The following HS2ST1 variants were observed in gnomAD, a reference collection of about 807,000 sequenced individuals.
HS2ST1 encodes heparan sulfate 2-O-sulfotransferase 1.
In HS2ST1, 18 loss-of-function variants were observed where a neutral mutation model predicts 42.9. The ratio of observed to expected loss-of-function variants is 0.42; its 90% CI spans 0.29 to 0.62. The LOEUF (loss-of-function observed/expected upper bound fraction) is 0.62, where lower values mean the gene tolerates loss of function less well. Among genes scored for constraint, HS2ST1 ranks in the 20% least tolerant of loss-of-function variants. The pLI, the probability that HS2ST1 is intolerant of heterozygous loss-of-function variation, is 0.21. For synonymous variants in HS2ST1, 146 were observed against 152.9 expected, an observed-to-expected ratio of 0.95 and a Z score of 0.33; for missense variants, 334 against 433.8, an observed-to-expected ratio of 0.77 and a Z score of 2.04.
At chr1:86,923,219 A>G (rs762494630) in intron 1 of HS2ST1, among the ~76,000 whole-genome samples, 8 of 152,062 alleles carry the variant, frequency 5.3e-5, no homozygotes, top group Non-Finnish European at 7.4e-5. Flanking sequence ...TTTCCTTAAC[A>G]TCCTGTATTA....
intron 1 of HS2ST1, among the ~76,000 whole-genome samples, chr1:86,988,715 C>G (rs567388775): frequency 4.5e-4 from 68 of 152,312 alleles, no homozygotes; most frequent in African/African-American, 1.6e-3. Context: ...AGTCACTGCA[C>G]TGGCCACTAC....
chr1:87,031,279 A>G (rs1339715871), intron 1 of HS2ST1, among the ~76,000 whole-genome samples: 1 of 152,174 alleles, frequency 6.6e-6, no homozygotes, highest in Non-Finnish European at 1.5e-5. Flanking sequence ...GGATAGGCCT[A>G]TATCCGTGGA....
intron 1 of HS2ST1, among the ~76,000 whole-genome samples, chr1:86,946,707 T>C (rs72947881): frequency 0.024 from 3,588 of 152,266 alleles, 72 homozygotes; most frequent in African/African-American, 0.049. Flanking sequence ...ATTCTTGTGC[T>C]TTGGAAATAG....
intron 1 of HS2ST1, among the ~76,000 whole-genome samples, chr1:86,981,075 T>C (rs991701507): frequency 6.6e-6 from 1 of 151,928 alleles, no homozygotes. Flanking sequence ...GAAAGCAAGG[T>C]ATGGTCTTAC....
intron 1 of HS2ST1, among the ~76,000 whole-genome samples, chr1:87,017,030 G>A (rs17418454): frequency 0.059 from 9,042 of 152,120 alleles, 366 homozygotes; most frequent in Middle Eastern, 0.11. Flanking sequence ...TGAAGATTTA[G>A]GTGTTAACAT....
At chr1:86,923,848 C>T (rs980025295) in intron 1 of HS2ST1, among the ~76,000 whole-genome samples, 7 of 152,200 alleles carry the variant, frequency 4.6e-5, no homozygotes, top group African/African-American at 1.7e-4. Context: ...TGTGGGGACA[C>T]AGCCAATCCA....
intron 2 of HS2ST1, among the ~76,000 whole-genome samples, chr1:87,077,714 T>G (rs779296158): frequency 1.3e-5 from 2 of 152,228 alleles, no homozygotes; most frequent in African/African-American, 4.8e-5. Flanking sequence ...GCCTGAGACA[T>G]AGTAGAAACT....
intron 1 of HS2ST1, chr1:87,045,846 T>A (rs775847508): frequency 1.4e-5 from 10 of 733,758 alleles, no homozygotes; most frequent in Non-Finnish European, 2.5e-5. Flanking sequence ...ATCCCCCTTT[T>A]CTGCTAAATG....
intron 1 of HS2ST1, among the ~76,000 whole-genome samples, chr1:87,003,349 T>C (rs1649345303): frequency 6.6e-6 from 1 of 152,238 alleles, no homozygotes; most frequent in South Asian, 2.1e-4. Context: ...TAAATGGGAT[T>C]TTATGTGCAG....
intron 1 of HS2ST1, among the ~76,000 whole-genome samples, chr1:87,028,232 A>T (rs1650137507): frequency 6.6e-6 from 1 of 152,272 alleles, no homozygotes; most frequent in Non-Finnish European, 1.5e-5. Flanking sequence ...CATCTAAGGT[A>T]CATCTGGGCC....
At chr1:86,992,183 C>T (rs866022671) in intron 1 of HS2ST1, among the ~76,000 whole-genome samples, 1 of 134,940 alleles carries the variant, frequency 7.4e-6, no homozygotes, top group Middle Eastern at 3.3e-3. Flanking sequence ...TCCACCACTA[C>T]CCCCACCCCC....
chr1:86,940,102 G>A (rs1338252979), intron 1 of HS2ST1, among the ~76,000 whole-genome samples: 2 of 152,012 alleles, frequency 1.3e-5, no homozygotes, highest in South Asian at 2.1e-4. Context: ...AGTGGCTCAT[G>A]CCTATAATGC....
At chr1:87,101,149 G>GTGTTTTTTTTT (rs1557546421) in intron 5 of HS2ST1, among the ~76,000 whole-genome samples, 4 of 59,540 alleles carry the variant, frequency 6.7e-5, no homozygotes, top group East Asian at 6.0e-4. Context: ...GTGTGTGTGT[G>GTGTTTTTTTTT]TTTTTTGTTT....
At position 86,945,618 on chromosome 1, in the gene HS2ST1, G is replaced by A. The variant is rs558689649; in HGVS notation, c.124+30458G>A. 9.2e-5 allele frequency among the ~76,000 whole-genome samples: 14 copies of A among 152,204 alleles called. No homozygotes were observed. In the South Asian group the frequency reaches 2.3e-3, roughly 25 times the overall value. On this transcript the variant is annotated intron_variant, in intron 1 of 6. Coordinates refer to ENST00000370550, the MANE Select transcript of HS2ST1 (RefSeq NM_012262.4). ...AGATTCTATTCAAGAAGAAATTTGC[G>A]ACAATCTTGAACTTGTACTTATAGA...
chr1:87,099,737 G>A (rs1180108255), intron 5 of HS2ST1, among the ~76,000 whole-genome samples: 3 of 152,154 alleles, frequency 2.0e-5, no homozygotes, highest in East Asian at 1.9e-4. Context: ...CTGGAGATGA[G>A]TTCCTTCTAC....
At chr1:87,006,054 C>G (rs1483976458) in intron 1 of HS2ST1, among the ~76,000 whole-genome samples, 1 of 151,874 alleles carries the variant, frequency 6.6e-6, no homozygotes, top group Non-Finnish European at 1.5e-5. Context: ...AAATTCTTGT[C>G]TAATCTGTTA....
intron 1 of HS2ST1, among the ~76,000 whole-genome samples, chr1:86,929,027 T>C (rs1421793580): frequency 9.2e-5 from 14 of 151,888 alleles, no homozygotes; most frequent in Admixed American, 9.2e-4. Flanking sequence ...ATTTAGACAA[T>C]AACTAACAGT....
At position 87,071,619 on chromosome 1, in the gene HS2ST1, C is replaced by T. The variant is rs375265227; in HGVS notation, c.125-1315C>T. Among the ~76,000 whole-genome samples, 3 of 151,718 alleles carry T rather than the reference C, an allele frequency of 2.0e-5. No individual in the cohort carries two copies. The East Asian group carries it at 5.8e-4, about 29-fold the overall frequency. On this transcript the variant is annotated intron_variant, in intron 1 of 6. Coordinates refer to ENST00000370550, the MANE Select transcript of HS2ST1 (RefSeq NM_012262.4). ...TGGCGGGTGCCTGTAATCCCAGCTA[C>T]TCAGTAGGCTGAGGCAGAGAATTGC...
intron 1 of HS2ST1, among the ~76,000 whole-genome samples, chr1:86,951,509 A>G (rs895226602): frequency 6.6e-6 from 1 of 151,804 alleles, no homozygotes; most frequent in Non-Finnish European, 1.5e-5. Flanking sequence ...GAAACAATGC[A>G]CATATCTAAA....
Sources: allele counts gnomAD v4.1 joint callset (sites outside exome capture counted in the v4.1 genomes callset), GRCh38; gene constraint gnomAD v4.1.1; transcripts MANE v1.5; gene names NCBI Gene and HGNC (gene_info 2026-07-23, HGNC 2026-07-21).